HMGA2: variants seen among roughly 807,000 people sequenced by gnomAD.
HMGA2 encodes high mobility group AT-hook 2.
In HMGA2, 8 loss-of-function variants were observed where a neutral mutation model predicts 19.1. The observed-to-expected ratio is 0.42, with a 90% CI of 0.25 to 0.76. The LOEUF (loss-of-function observed/expected upper bound fraction) is 0.76, where lower values mean the gene tolerates loss of function less well. Among genes scored for constraint, HMGA2 ranks in the 30% least tolerant of loss-of-function variants. The probability of loss-of-function intolerance (pLI) is 0.28; values close to 1 mark genes in which losing one functional copy is unlikely to be tolerated. For missense variants in HMGA2, 109 were observed against 136.3 expected (o/e 0.80, Z 1.00); for synonymous variants, 60 against 48.8 (o/e 1.23, Z -0.96).
chr12:65,877,077 T>A (rs1873080049), intron 3 of HMGA2: 1 of 152,290 alleles, frequency 6.6e-6, no homozygotes, highest in African/African-American at 2.4e-5. Flanking sequence ...GTTGGCTTTG[T>A]TGACACCTTG....
intron 3 of HMGA2, among the ~76,000 whole-genome samples, chr12:65,854,170 A>C (rs986958028): frequency 1.3e-5 from 2 of 152,216 alleles, no homozygotes; most frequent in Admixed American, 1.3e-4. Context: ...CCTTTTACAA[A>C]AAGGTCAGAA....
intron 3 of HMGA2, among the ~76,000 whole-genome samples, chr12:65,864,036 T>C (rs770663177): frequency 1.3e-5 from 2 of 152,198 alleles, no homozygotes; most frequent in South Asian, 2.1e-4. Context: ...TCCATGAATA[T>C]TATGTATGTG....
In HMGA2 at chr12:65,886,967, G is replaced by A. The variant is rs185849200; in HGVS notation, c.249+48398G>A. ...ATAAGTAAGCAAGACTTGAACTACA[G>A]GTTATGAAATTCTTGGGATTAATGA... On this transcript the variant is annotated intron_variant, in intron 3 of 4. Transcript: ENST00000403681. Among the ~76,000 whole-genome samples the A allele has an allele frequency of 4.4e-4, 67 of 152,270 alleles. No homozygotes were observed. In the East Asian group the frequency reaches 0.012, roughly 27 times the overall value.
At chr12:65,941,081 T>C (rs903274790) in intron 3 of HMGA2, among the ~76,000 whole-genome samples, 10 of 152,186 alleles carry the variant, frequency 6.6e-5, no homozygotes, top group Admixed American at 6.5e-4. Flanking sequence ...ATAAGCAGTT[T>C]TTAAGTTAAC....
intron 4 of HMGA2, chr12:65,955,938 G>C (rs1876592677): frequency 6.6e-6 from 1 of 152,166 alleles, no homozygotes; most frequent in African/African-American, 2.4e-5. Flanking sequence ...CAAAATGAGA[G>C]ATTTCATTTT....
intron 3 of HMGA2, among the ~76,000 whole-genome samples, chr12:65,893,991 T>C (rs1236108162): frequency 6.6e-6 from 1 of 152,216 alleles, no homozygotes; most frequent in Admixed American, 6.5e-5. Context: ...AAAGAAATGA[T>C]ACATAGAGGG....
chr12:65,910,773 A>C (rs539215875), intron 3 of HMGA2, among the ~76,000 whole-genome samples: 9 of 152,056 alleles, frequency 5.9e-5, no homozygotes, highest in Middle Eastern at 3.2e-3. Flanking sequence ...ACATATCCAT[A>C]GTTTTCTTTT....
At chr12:65,883,712 C>G (rs922387897) in intron 3 of HMGA2, among the ~76,000 whole-genome samples, 14 of 152,130 alleles carry the variant, frequency 9.2e-5, no homozygotes, top group African/African-American at 3.4e-4. Flanking sequence ...GTAAATATTT[C>G]CAGAAAGAGG....
intron 3 of HMGA2, chr12:65,881,884 A>G (rs764784704): frequency 2.8e-5 from 20 of 702,600 alleles, no homozygotes; most frequent in Non-Finnish European, 4.9e-5. Context: ...GGCCCGAGAG[A>G]GCCCCGGTAG....
chr12:65,889,077 A>G (rs959539623), intron 3 of HMGA2, among the ~76,000 whole-genome samples: 2 of 152,160 alleles, frequency 1.3e-5, no homozygotes, highest in Non-Finnish European at 2.9e-5. Flanking sequence ...TCTTACCCAC[A>G]AAAAATACCC....
Position 65,825,022 on chromosome 12 carries a change from C to G in HMGA2, c.-249C>G. On this transcript the variant is annotated 5_prime_UTR_variant, in exon 1 of 5. Transcript: ENST00000403681. The surrounding 1 kb of genome is among the most constrained non-coding windows in gnomAD (Gnocchi z 4.4). The stretch of plus-strand genomic sequence containing the variant: ...TCCGGCACCCACCCACCGCCGCCGC[C>G]GCCACCGGCAGCGCCTCCTCCTCTC... 1 of 429,774 alleles carries G rather than the reference C, an allele frequency of 2.3e-6. No homozygotes were observed. The highest frequency in any genetic ancestry group is 3.8e-5 in the East Asian group (1 of 26,012). The allele number at this position is 429,774 out of a possible 1,614,324, so 26.6% of individuals were successfully genotyped here.
At chr12:65,843,098 A>G (rs1402506112) in intron 3 of HMGA2, 1 of 228,772 alleles carries the variant, frequency 4.4e-6, no homozygotes, top group Non-Finnish European at 8.6e-6. Flanking sequence ...ATATTTCCCT[A>G]TATGAATTAA....
intron 3 of HMGA2, among the ~76,000 whole-genome samples, chr12:65,938,566 ACT>A (rs1367573057): frequency 1.3e-5 from 2 of 152,288 alleles, no homozygotes; most frequent in South Asian, 2.1e-4. Flanking sequence ...CAAAAAAGTA[ACT>A]CTCTCATGCT....
At position 65,828,123 on chromosome 12, in the gene HMGA2, C is replaced by T. The variant is rs180951147; in HGVS notation, c.198+36C>T. The T allele has an allele frequency of 4.4e-4, 633 of 1,437,938 alleles. No homozygotes were observed. In the African/African-American group the frequency reaches 5.7e-3, roughly 13 times the overall value. 89.1% of individuals were successfully genotyped at this position (1,437,938 alleles called of 1,614,324 possible). ...TCAAGTCAAGCTCTCCTAACTTCAT[C>T]AATGACTGACTACAGGAGCCTGCCT... On this transcript the variant is annotated intron_variant, in intron 2 of 4. Coordinates refer to ENST00000403681, the MANE Select transcript of HMGA2 (RefSeq NM_003483.6).
At chr12:65,913,630 G>A (rs1874940806) in intron 3 of HMGA2, among the ~76,000 whole-genome samples, 2 of 152,148 alleles carry the variant, frequency 1.3e-5, no homozygotes, top group African/African-American at 4.8e-5. Context: ...ATAAGCAGCA[G>A]GGTGTAATTG....
At chr12:65,842,167 G>A (rs1449833811) in intron 3 of HMGA2, 1 of 1,227,644 alleles carries the variant, frequency 8.1e-7, no homozygotes, top group African/African-American at 1.6e-5. Context: ...AGATGGCTTG[G>A]GTTCAAATTC....
intron 3 of HMGA2, among the ~76,000 whole-genome samples, chr12:65,888,716 A>AC (rs1474634608): frequency 6.6e-6 from 1 of 150,788 alleles, no homozygotes; most frequent in African/African-American, 2.4e-5. Context: ...GGCGCCCGCC[A>AC]CCACGCCCGG....
At chr12:65,855,227 C>T (rs938088214) in intron 3 of HMGA2, among the ~76,000 whole-genome samples, 19 of 152,060 alleles carry the variant, frequency 1.2e-4, no homozygotes, top group African/African-American at 3.1e-4. Flanking sequence ...AATGTCCTTG[C>T]GGGCAGATAT....
At chr12:65,827,766 G>C (rs1436551524) in intron 1 of HMGA2, among the ~76,000 whole-genome samples, 1 of 152,172 alleles carries the variant, frequency 6.6e-6, no homozygotes, top group African/African-American at 2.4e-5. Context: ...TAGGTTTGAA[G>C]TAGAATCTAG....
Sources: gnomAD v4.1 joint callset for allele counts (sites outside exome capture counted in the v4.1 genomes callset) on GRCh38, gnomAD v4.1.1 for gene constraint, Gnocchi (gnomAD v3.1) non-coding constraint, MANE v1.5 for transcripts, NCBI Gene and HGNC (gene_info 2026-07-23, HGNC 2026-07-21) for gene names.